The following CAMK1D variants were observed in gnomAD, a reference collection of about 807,000 sequenced individuals.
The protein encoded by CAMK1D is calcium/calmodulin dependent protein kinase ID.
In CAMK1D, 9 loss-of-function variants were observed where a neutral mutation model predicts 47.7. The ratio of observed to expected loss-of-function variants is 0.19; its 90% CI spans 0.11 to 0.33. The LOEUF (loss-of-function observed/expected upper bound fraction) is 0.33. Ranked by LOEUF, CAMK1D falls within the 10% of genes least tolerant of loss-of-function variation. The pLI is 1.00. For missense variants in CAMK1D, 291 were observed against 488.7 expected (o/e 0.60, Z 3.81); for synonymous variants, 184 against 184.9 (o/e 0.99, Z 0.04).
chr10:12,717,113 A>C (rs971295485), intron 3 of CAMK1D, among the ~76,000 whole-genome samples: 6 of 152,240 alleles, frequency 3.9e-5, no homozygotes, highest in Non-Finnish European at 8.8e-5. Flanking sequence ...ATTATTCAGC[A>C]GACATAATAT....
At chr10:12,726,129 A>G (rs960020099) in intron 3 of CAMK1D, among the ~76,000 whole-genome samples, 6 of 151,998 alleles carry the variant, frequency 3.9e-5, no homozygotes, top group African/African-American at 1.4e-4. Context: ...TGGTAATGTT[A>G]CAAAGGGAAT....
At chr10:12,421,942 G>A (rs368127766) in intron 1 of CAMK1D, among the ~76,000 whole-genome samples, 12 of 151,718 alleles carry the variant, frequency 7.9e-5, no homozygotes, top group African/African-American at 2.9e-4. Flanking sequence ...TCAGCCTCCC[G>A]AGTAGCTGGG....
At chr10:12,579,622 T>C (rs1837601660) in intron 2 of CAMK1D, among the ~76,000 whole-genome samples, 1 of 152,112 alleles carries the variant, frequency 6.6e-6, no homozygotes, top group Non-Finnish European at 1.5e-5. Flanking sequence ...CTCCATCTAC[T>C]ACTCTTTTTC....
chr10:12,743,371 AAAAG>A (rs1242309225), intron 3 of CAMK1D, among the ~76,000 whole-genome samples: 1 of 150,112 alleles, frequency 6.7e-6, no homozygotes, highest in African/African-American at 2.5e-5. Context: ...AAAAAAGAAA[AAAAG>A]AAAAAGGAAA....
chr10:12,705,933 A>G (rs1286680184), intron 3 of CAMK1D, among the ~76,000 whole-genome samples: 1 of 152,232 alleles, frequency 6.6e-6, no homozygotes, highest in Non-Finnish European at 1.5e-5. Flanking sequence ...CATGGGATGT[A>G]TTATAATAAC....
chr10:12,408,408 C>T (rs973544152), intron 1 of CAMK1D, among the ~76,000 whole-genome samples: 4 of 151,514 alleles, frequency 2.6e-5, no homozygotes, highest in African/African-American at 4.9e-5. Flanking sequence ...CTCCTGACCT[C>T]GTGATCCACC....
intron 4 of CAMK1D, among the ~76,000 whole-genome samples, chr10:12,765,817 T>TGAG (rs1004236029): frequency 6.6e-6 from 1 of 151,960 alleles, no homozygotes; most frequent in African/African-American, 2.4e-5. Flanking sequence ...TAGCTGAGCT[T>TGAG]GAGGAGGTGG....
At chr10:12,632,985 G>A (rs971933638) in intron 2 of CAMK1D, among the ~76,000 whole-genome samples, 3 of 152,110 alleles carry the variant, frequency 2.0e-5, no homozygotes, top group Non-Finnish European at 4.4e-5. Flanking sequence ...GAGCCACGGC[G>A]CCTGGCTGAG....
At chr10:12,521,047 T>G (rs1835400489) in intron 1 of CAMK1D, among the ~76,000 whole-genome samples, 1 of 152,098 alleles carries the variant, frequency 6.6e-6, no homozygotes, top group Non-Finnish European at 1.5e-5. Context: ...TTATCAGTTT[T>G]CTATATCTTT....
intron 1 of CAMK1D, among the ~76,000 whole-genome samples, chr10:12,530,188 A>G (rs923484207): frequency 6.6e-6 from 1 of 152,208 alleles, no homozygotes; most frequent in Admixed American, 6.5e-5. Flanking sequence ...CGCATTCTTC[A>G]GCACTGCCCC....
At chr10:12,413,616 T>TGAC (rs1839748254) in intron 1 of CAMK1D, among the ~76,000 whole-genome samples, 5 of 622 alleles carry the variant, frequency 8.0e-3, no homozygotes, top group South Asian at 0.036. Context: ...ATGGTGATGC[T>TGAC]AATTATGGAA....
At chr10:12,480,582 ATCTTGTTGACT>A (rs1834036435) in intron 1 of CAMK1D, among the ~76,000 whole-genome samples, 1 of 152,176 alleles carries the variant, frequency 6.6e-6, no homozygotes, top group Non-Finnish European at 1.5e-5. Context: ...GGCTCAGATG[ATCTTGTTGACT>A]TCTCACAATA....
At chr10:12,358,959 A>G (rs1404582525) in intron 1 of CAMK1D, among the ~76,000 whole-genome samples, 1 of 152,186 alleles carries the variant, frequency 6.6e-6, no homozygotes, top group African/African-American at 2.4e-5. Context: ...AATAGGCAGG[A>G]TGGTGCATAT....
intron 3 of CAMK1D, among the ~76,000 whole-genome samples, chr10:12,749,277 A>AT (rs1021607025): frequency 5.9e-5 from 9 of 151,466 alleles, no homozygotes; most frequent in East Asian, 1.9e-4. Flanking sequence ...AATCTTTGTC[A>AT]TTTTTTTTAA....
intron 3 of CAMK1D, among the ~76,000 whole-genome samples, chr10:12,675,308 G>T (rs1242106073): frequency 6.6e-6 from 1 of 152,086 alleles, no homozygotes; most frequent in Non-Finnish European, 1.5e-5. Flanking sequence ...CTCTAAGCTT[G>T]TATATCCAAC....
intron 2 of CAMK1D, among the ~76,000 whole-genome samples, chr10:12,628,698 CA>C (rs1204194968): frequency 6.6e-6 from 1 of 152,072 alleles, no homozygotes; most frequent in Non-Finnish European, 1.5e-5. Context: ...TGGGTTTTGA[CA>C]AATATATGAC....
intron 1 of CAMK1D, among the ~76,000 whole-genome samples, chr10:12,357,020 CAAAT>C (rs1564290658): frequency 6.6e-6 from 1 of 152,102 alleles, no homozygotes; most frequent in Non-Finnish European, 1.5e-5. Flanking sequence ...TTCCTTTCCC[CAAAT>C]AAATCTCCTT....
At chr10:12,376,793 G>A (rs1161327743) in intron 1 of CAMK1D, among the ~76,000 whole-genome samples, 8 of 147,932 alleles carry the variant, frequency 5.4e-5, no homozygotes, top group Admixed American at 4.1e-4. Flanking sequence ...TTGCTCTGTC[G>A]CCCAGGCTGG....
At chr10:12,791,687 T>C (rs1246210277) in intron 6 of CAMK1D, among the ~76,000 whole-genome samples, 2 of 152,208 alleles carry the variant, frequency 1.3e-5, no homozygotes, top group Non-Finnish European at 2.9e-5. Flanking sequence ...GTATATTCCG[T>C]TGTGTGGATA....
Sources: gnomAD v4.1 joint callset for allele counts (sites outside exome capture counted in the v4.1 genomes callset) on GRCh38, gnomAD v4.1.1 for gene constraint, MANE v1.5 for transcripts, NCBI Gene and HGNC (gene_info 2026-07-23, HGNC 2026-07-21) for gene names.